LINGO2: variants seen among roughly 807,000 people sequenced by gnomAD.
The protein encoded by LINGO2 is leucine rich repeat and Ig domain containing 2, also known as leucine-rich repeat and immunoglobulin-like domain-containing nogo receptor-interacting protein 2.
Under a neutral mutation model 30.6 loss-of-function variants are expected in LINGO2, and 14 were observed. That is an observed-to-expected ratio of 0.46 (90% CI 0.30 to 0.72). LINGO2 has a LOEUF of 0.72. LINGO2 is among the 30% of genes least tolerant of loss of function. The pLI is 0.07. For synonymous variants in LINGO2, 317 were observed against 288.5 expected, an observed-to-expected ratio of 1.10 and a Z score of -1.00; for missense variants, 729 against 751.7, an observed-to-expected ratio of 0.97 and a Z score of 0.35.
At chr9:28,940,602 A>G in the LINGO2 span, among the ~76,000 whole-genome samples, 1 of 152,182 alleles carries the variant, frequency 6.6e-6, no homozygotes, top group Non-Finnish European at 1.5e-5. Flanking sequence ...TCATGTCAAG[A>G]TAATAAGACT....
At chr9:28,313,443 G>A (rs956406244) in intron 3 of LINGO2, among the ~76,000 whole-genome samples, 4 of 152,178 alleles carry the variant, frequency 2.6e-5, no homozygotes, top group Non-Finnish European at 5.9e-5. Flanking sequence ...CTTTTGCTAA[G>A]TTTCAACTCT....
chr9:28,688,341 G>T, the LINGO2 span, among the ~76,000 whole-genome samples: 1 of 152,172 alleles, frequency 6.6e-6, no homozygotes, highest in Non-Finnish European at 1.5e-5. Flanking sequence ...CCAAGAACAA[G>T]CTCAGAAGTT....
At chr9:29,035,671 A>G in the LINGO2 span, among the ~76,000 whole-genome samples, 5 of 151,470 alleles carry the variant, frequency 3.3e-5, no homozygotes, top group African/African-American at 1.2e-4. Flanking sequence ...TAAATGGGGA[A>G]ATGGAGAAGA....
the LINGO2 span, among the ~76,000 whole-genome samples, chr9:28,875,089 T>C: frequency 2.0e-5 from 3 of 152,090 alleles, no homozygotes; most frequent in Non-Finnish European, 2.9e-5. Context: ...AGAAATTACA[T>C]TTACTTTGCT....
chr9:29,141,853 A>G, the LINGO2 span, among the ~76,000 whole-genome samples: 1 of 151,948 alleles, frequency 6.6e-6, no homozygotes, highest in Non-Finnish European at 1.5e-5. Context: ...AGGAGCTATA[A>G]ATATATAACA....
intron 1 of LINGO2, among the ~76,000 whole-genome samples, chr9:28,595,005 TCA>T (rs1275730166): frequency 1.3e-5 from 2 of 152,060 alleles, no homozygotes; most frequent in Non-Finnish European, 2.9e-5. Context: ...ATGAGTAAAT[TCA>T]CAGTCATTAC....
intron 3 of LINGO2, among the ~76,000 whole-genome samples, chr9:28,365,984 C>T (rs1820656646): frequency 6.6e-6 from 1 of 152,090 alleles, no homozygotes; most frequent in Non-Finnish European, 1.5e-5. Flanking sequence ...AGCTGCATTG[C>T]TTTCAAAAGA....
chr9:28,344,942 A>G (rs1819507570), intron 3 of LINGO2, among the ~76,000 whole-genome samples: 1 of 152,166 alleles, frequency 6.6e-6, no homozygotes, highest in African/African-American at 2.4e-5. Flanking sequence ...TTTAATTTTC[A>G]AAGAAAATAC....
chr9:27,981,551 G>GAAAAAAAAAAAAAAAAAAAAGAA (rs1279785343), intron 5 of LINGO2, among the ~76,000 whole-genome samples: 3 of 87,144 alleles, frequency 3.4e-5, no homozygotes, highest in African/African-American at 1.3e-4. Flanking sequence ...AAAAAAAAAA[G>GAAAAAAAAAAAAAAAAAAAAGAA]AAAAAAAAGA....
At chr9:27,990,285 C>CACT (rs10644727) in intron 5 of LINGO2, among the ~76,000 whole-genome samples, 42,052 of 148,534 alleles carry the variant, frequency 0.28, 6,341 homozygotes, top group African/African-American at 0.4. Flanking sequence ...GTAGCTTTGC[C>CACT]ACTAGTTTCT....
chr9:28,294,317 A>G (rs1296371829), intron 4 of LINGO2, among the ~76,000 whole-genome samples: 4 of 152,204 alleles, frequency 2.6e-5, no homozygotes, highest in African/African-American at 9.6e-5. Context: ...AGCATTAGTG[A>G]CATAGAATAA....
chr9:28,365,784 T>C (rs1485231572), intron 3 of LINGO2, among the ~76,000 whole-genome samples: 9 of 107,376 alleles, frequency 8.4e-5, no homozygotes, highest in Admixed American at 2.0e-4. Flanking sequence ...TTTTTTTTTT[T>C]CCTCTCTCTC....
At chr9:28,018,256 C>T (rs1319784517) in intron 4 of LINGO2, among the ~76,000 whole-genome samples, 1 of 152,028 alleles carries the variant, frequency 6.6e-6, no homozygotes, top group Non-Finnish European at 1.5e-5. Context: ...ATAAAAGTCC[C>T]AGAGGAAAAC....
At chr9:28,401,710 T>C (rs772203325) in intron 2 of LINGO2, among the ~76,000 whole-genome samples, 74 of 152,278 alleles carry the variant, frequency 4.9e-4, no homozygotes, top group Middle Eastern at 3.4e-3. Context: ...GGAATTGCCA[T>C]ACTGTCTTCC....
chr9:28,415,661 T>C (rs977603222), intron 2 of LINGO2, among the ~76,000 whole-genome samples: 6 of 152,166 alleles, frequency 3.9e-5, no homozygotes, highest in African/African-American at 1.4e-4. Flanking sequence ...CTCACAACCT[T>C]AGCTAAGGGA....
chr9:29,149,042 G>A, the LINGO2 span, among the ~76,000 whole-genome samples: 29 of 152,224 alleles, frequency 1.9e-4, no homozygotes, highest in South Asian at 5.4e-3. Context: ...TGTCACAGAG[G>A]AGGATCCTAA....
chr9:28,186,542 T>A (rs548969056), intron 4 of LINGO2, among the ~76,000 whole-genome samples: 3 of 152,152 alleles, frequency 2.0e-5, no homozygotes, highest in Non-Finnish European at 4.4e-5. Flanking sequence ...AGAGTGTTTA[T>A]AATGGAGAAA....
At chr9:28,155,239 A>G (rs1828101928) in intron 4 of LINGO2, among the ~76,000 whole-genome samples, 1 of 152,198 alleles carries the variant, frequency 6.6e-6, no homozygotes, top group Admixed American at 6.5e-5. Flanking sequence ...CAACTCTGGA[A>G]CCCAGCCAGG....
At chr9:28,556,203 AT>A (rs1270540256) in intron 1 of LINGO2, among the ~76,000 whole-genome samples, 5 of 152,016 alleles carry the variant, frequency 3.3e-5, no homozygotes, top group African/African-American at 7.2e-5. Flanking sequence ...AGGAAGTCAA[AT>A]TGTCCCTGTT....
Sources: allele counts gnomAD v4.1 joint callset (sites outside exome capture counted in the v4.1 genomes callset), GRCh38; gene constraint gnomAD v4.1.1; transcripts MANE v1.5; gene names NCBI Gene and HGNC (gene_info 2026-07-23, HGNC 2026-07-21).